ZNF548: variants seen among roughly 807,000 people sequenced by gnomAD.
ZNF548 encodes zinc finger protein 548.
A neutral mutation model predicts 10.2 loss-of-function variants in ZNF548; 10 were observed. The ratio of observed to expected loss-of-function variants is 0.98; its 90% CI spans 0.60 to 1.66. The LOEUF (loss-of-function observed/expected upper bound fraction) is 1.66, where lower values mean the gene tolerates loss of function less well. ZNF548 is among the 40% of genes most tolerant of loss of function. The pLI is 0.00. For synonymous variants in ZNF548, 217 were observed against 223.5 expected (o/e 0.97, Z 0.26); for missense variants, 599 against 657.0 (o/e 0.91, Z 0.97).
chr19:57,392,172 T>C (rs2088631861), intron 1 of ZNF548, among the ~76,000 whole-genome samples: 1 of 152,192 alleles, frequency 6.6e-6, no homozygotes, highest in Non-Finnish European at 1.5e-5. Context: ...TTGAGTTCTT[T>C]GTAAATTCTG....
At position 57,399,869 on chromosome 19, in the gene ZNF548, A is replaced by G. The variant is rs756502377; in HGVS notation, c.1618A>G (p.Met540Val). 3.7e-6 allele frequency: 6 copies of G among 1,600,024 alleles called. No individual in the cohort carries two copies. The highest frequency in any genetic ancestry group is 3.4e-5 in the Admixed American group (2 of 58,452). The change falls in exon 4 of 4, where the codon ATG becomes GTG. Residue 540 changes from methionine to valine, a missense_variant. Met to Val is a conservative substitution (Grantham distance 21). Transcript: ENST00000336128. This position sits in a 1 kb window ranked among gnomAD's most constrained non-coding sequence, Gnocchi z 4.0. ...PTSLNIRDFT[M>V]EKVYH ...CTCATTAAACATCAGAGATTTCACA[A>G]TGGAGAAAGTTTACCATTGACTATT...
chr19:57,400,056 G>A lies in ZNF548; in HGVS notation c.*167G>A, dbSNP rs2088702833. On this transcript the variant is annotated 3_prime_UTR_variant, in exon 4 of 4. Coordinates refer to ENST00000336128, the MANE Select transcript of ZNF548 (RefSeq NM_001172773.2). Reference sequence around the variant, plus strand: ...TCTCAACTATATTTCTATACTCTATGGTACTTATATGAGGTACCAATAGAT... The same window carrying A: ...TCTCAACTATATTTCTATACTCTATAGTACTTATATGAGGTACCAATAGAT... 5.1e-6 allele frequency: 3 copies of A among 590,064 alleles called. No homozygotes were observed. Among genetic ancestry groups the A allele is most frequent in the African/African-American group, 1.9e-5 (1 of 53,994 alleles). The allele number at this position is 590,064 out of a possible 1,614,324, so 36.6% of individuals were successfully genotyped here.
In ZNF548 at chr19:57,402,679, T is replaced by C. The variant is rs535165826; in HGVS notation, c.*2790T>C. ...CCAGCATGTTCACCCTAGAGAAAAG[T>C]AGAAGTGAAGGCAATGTCATCTTTC... On this transcript the variant is annotated 3_prime_UTR_variant, in exon 4 of 4. Transcript: ENST00000336128. 1.3e-5 allele frequency: 2 copies of C among 152,324 alleles called. No individual in the cohort carries two copies. The highest frequency in any genetic ancestry group is 4.1e-4 in the South Asian group (2 of 4,828). The allele number at this position is 152,324 out of a possible 1,614,324, so 9.4% of individuals were successfully genotyped here.
chr19:57,396,825 T>C, intron 2 of ZNF548: 1 of 531,636 alleles, frequency 1.9e-6, no homozygotes, highest in African/African-American at 1.9e-5. Context: ...ATTGGGACTG[T>C]CCCTAGTTTT....
At position 57,399,677 on chromosome 19, in the gene ZNF548, CTTG is replaced by C. The variant is rs1489578238; in HGVS notation, c.1430_1432del (p.Val477del). 6.2e-7 allele frequency: 1 copy of C among 1,613,860 alleles called. No homozygotes were observed. The highest frequency in any genetic ancestry group is 1.3e-5 in the African/African-American group (1 of 74,890). On this transcript the variant is annotated inframe_deletion, in exon 4 of 4. Coordinates refer to ENST00000336128, the MANE Select transcript of ZNF548 (RefSeq NM_001172773.2). This position sits in a 1 kb window ranked among gnomAD's most constrained non-coding sequence, Gnocchi z 4.0. ...GAAAGCCTTTAGCCACAAGCATATACTTGTTGAGCACCAGAAAATCCACAGTGG... is the reference window on the plus strand; with the variant it reads ...GAAAGCCTTTAGCCACAAGCATATACTTGAGCACCAGAAAATCCACAGTGG...
chr19:57,396,603 G>A (rs148974068), intron 2 of ZNF548, among the ~76,000 whole-genome samples: 1 of 152,342 alleles, frequency 6.6e-6, no homozygotes, highest in Admixed American at 6.5e-5. Flanking sequence ...ACTGAAAGAA[G>A]ATATTTATTC....
Position 57,398,657 on chromosome 19 carries a change from C to A in ZNF548, c.406C>A (p.Gln136Lys). ...CEAELFQHPK[Q>K]QIGENLSRGD... is the part of the protein sequence containing the mutation. Reference sequence around the variant, plus strand: ...GGCAGAGCTTTTTCAGCACCCAAAGCAGCAAATTGGAGAAAATCTTTCCAG... The same window carrying A: ...GGCAGAGCTTTTTCAGCACCCAAAGAAGCAAATTGGAGAAAATCTTTCCAG... Residue 136 changes from glutamine (Q) to lysine (K), a missense_variant, in exon 4 of 4, where the codon CAG (glutamine) becomes AAG (lysine). Physicochemically the swap from Gln to Lys is moderately conservative, Grantham distance 53. Coordinates refer to ENST00000336128, the MANE Select transcript of ZNF548 (RefSeq NM_001172773.2). 2 of 1,614,032 alleles carry A rather than the reference C, an allele frequency of 1.2e-6. No individual in the cohort carries two copies. The highest frequency in any genetic ancestry group is 1.1e-5 in the South Asian group (1 of 91,080).
In ZNF548 at chr19:57,390,009, A is replaced by G. The variant is rs1025189690; in HGVS notation, c.-91A>G. 2.4e-4 allele frequency: 348 copies of G among 1,469,062 alleles called. 1 individual carries two copies. Among genetic ancestry groups the G allele is most frequent in the Non-Finnish European group, 2.8e-4 (304 of 1,096,132 alleles). 91.0% of individuals were successfully genotyped at this position (1,469,062 alleles called of 1,614,324 possible). ...ACCACGGAGAGGCGGGAGTGAGTCA[A>G]CTGACAAGCGCTGGGGACAGTGGCG... On this transcript the variant is annotated 5_prime_UTR_variant, in exon 1 of 4. Coordinates refer to ENST00000336128, the MANE Select transcript of ZNF548 (RefSeq NM_001172773.2).
rs1041580413 is a variant in ZNF548, at chr19:57,401,078, G to A, written c.*1189G>A. On this transcript the variant is annotated 3_prime_UTR_variant, in exon 4 of 4. Coordinates refer to ENST00000336128, the MANE Select transcript of ZNF548 (RefSeq NM_001172773.2). ...ACTATTTGCTTTTTGTTGTTGAGTT[G>A]TAGTTCTTTATACATTCTGGATATT... 5.9e-5 allele frequency: 9 copies of A among 151,890 alleles called. No individual in the cohort carries two copies. Among genetic ancestry groups the A allele is most frequent in the Admixed American group, 4.6e-4 (7 of 15,242 alleles). 9.4% of individuals were successfully genotyped at this position (151,890 alleles called of 1,614,324 possible).
At chr19:57,394,125 C>A in intron 1 of ZNF548, 63 bp from the exon 2 acceptor site, 1 of 1,548,676 alleles carries the variant, frequency 6.5e-7, no homozygotes. Context: ...AGGTGGTGGT[C>A]CATCTCAGCC....
rs972682081 is a variant in ZNF548, at chr19:57,399,787, T to C, written c.1536T>C (p.Ser512=). ...TGGTTCATCACCAGAAAATCCACAG[T>C]GAAGAGAGGCTTGTGTGCTCCATGA... ...SHLVHHQKIH[S]EERLVCSMNV... The change falls in exon 4 of 4, where the codon AGT becomes AGC. Residue 512 remains serine, a synonymous_variant. Transcript: ENST00000336128. This position sits in a 1 kb window ranked among gnomAD's most constrained non-coding sequence, Gnocchi z 4.0. 2 of 1,613,930 alleles carry C rather than the reference T, an allele frequency of 1.2e-6. No homozygotes were observed. The highest frequency in any genetic ancestry group is 1.7e-5 in the Admixed American group (1 of 59,998).
rs1344661760 is a variant in ZNF548, at chr19:57,389,864, C to T, written c.-236C>T. Reference sequence around the variant, plus strand: ...GCACCGTCGGAGGGCGGGACTTCCGCCGTCCTCCTGGTGGTGGTCGTTTTG... The same window carrying T: ...GCACCGTCGGAGGGCGGGACTTCCGTCGTCCTCCTGGTGGTGGTCGTTTTG... On this transcript the variant is annotated 5_prime_UTR_variant, in exon 1 of 4. Transcript: ENST00000336128. 24 of 489,590 alleles carry T rather than the reference C, an allele frequency of 4.9e-5. No homozygotes were observed. In the East Asian group the frequency reaches 7.6e-4, roughly 16 times the overall value. 30.3% of individuals were successfully genotyped at this position (489,590 alleles called of 1,614,324 possible). A position where few individuals can be genotyped will look rare whatever the true frequency, so the allele number is the denominator to read the frequency against.
At chr19:57,394,143 T>A in intron 1 of ZNF548, 45 bp from the exon 2 acceptor site, 1 of 1,588,076 alleles carries the variant, frequency 6.3e-7, no homozygotes, top group Non-Finnish European at 8.5e-7. Context: ...GCCTGAAGGA[T>A]CCTTCCATGG....
At position 57,398,976 on chromosome 19, in the gene ZNF548, G is replaced by A. The variant is rs2088689596; in HGVS notation, c.725G>A (p.Cys242Tyr). 2 of 1,613,948 alleles carry A rather than the reference G, an allele frequency of 1.2e-6. No individual in the cohort carries two copies. The highest frequency in any genetic ancestry group is 8.5e-7 in the Non-Finnish European group (1 of 1,179,938). Residue 242 changes from cysteine to tyrosine, a missense_variant, in exon 4 of 4, where the codon TGT (cysteine) becomes TAT (tyrosine). Coordinates refer to ENST00000336128, the MANE Select transcript of ZNF548 (RefSeq NM_001172773.2). ...GAAAGGTCTTATGAATGTAACAAAT[G>A]TGGGAAATTCTTTAAGTACAGTGCC... ...TGERSYECNK[C>Y]GKFFKYSANF...
intron 2 of ZNF548, 27 bp downstream of exon 2, chr19:57,394,250 C>G: frequency 6.3e-7 from 1 of 1,597,368 alleles, no homozygotes; most frequent in Non-Finnish European, 8.5e-7. Flanking sequence ...CTACTATTCA[C>G]CCACCCTGGT....
At position 57,398,760 on chromosome 19, in the gene ZNF548, G is replaced by A. The variant is rs1242128927; in HGVS notation, c.509G>A (p.Gly170Asp). 1 of 1,614,016 alleles carries A rather than the reference G, an allele frequency of 6.2e-7. No individual in the cohort carries two copies. Among genetic ancestry groups the A allele is most frequent in the Non-Finnish European group, 8.5e-7 (1 of 1,179,908 alleles). Reference sequence around the variant, plus strand: ...GAGGAGATCTTCACATGCATGGAGGGCTGGAAGGACTTACCAGCCACCTCA... The same window carrying A: ...GAGGAGATCTTCACATGCATGGAGGACTGGAAGGACTTACCAGCCACCTCA... ...MAEEIFTCME[G>D]WKDLPATSCL... The change falls in exon 4 of 4, where the codon GGC (glycine) becomes GAC (aspartate). Residue 170 changes from glycine to aspartate, a missense_variant. Transcript: ENST00000336128.
chr19:57,397,254 A>G (rs1349660592), intron 3 of ZNF548, 80 bp downstream of exon 3: 1 of 1,470,886 alleles, frequency 6.8e-7, no homozygotes, highest in African/African-American at 1.4e-5. Context: ...TGCGTTTCCC[A>G]CAGTGAGACC....
chr19:57,389,899 G>T lies in ZNF548; in HGVS notation c.-201G>T. The stretch of plus-strand genomic sequence containing the variant: ...GGTGGTGGTCGTTTTGGTTCTGTGT[G>T]GTGTTTCACCAACTTCGGCCTATGG... On this transcript the variant is annotated 5_prime_UTR_variant, in exon 1 of 4. Coordinates refer to ENST00000336128, the MANE Select transcript of ZNF548 (RefSeq NM_001172773.2). The T allele has an allele frequency of 1.8e-6, 1 of 567,704 alleles. No individual in the cohort carries two copies. Among genetic ancestry groups the T allele is most frequent in the African/African-American group, 1.9e-5 (1 of 53,252 alleles). 35.2% of individuals were successfully genotyped at this position (567,704 alleles called of 1,614,324 possible).
Position 57,399,878 on chromosome 19 carries a change from G to A in ZNF548, c.1627G>A (p.Val543Ile). ...LNIRDFTMEKVYH is the reference protein window; with the variant it reads ...LNIRDFTMEKIYH The stretch of plus-strand genomic sequence containing the variant: ...CATCAGAGATTTCACAATGGAGAAA[G>A]TTTACCATTGACTATTGTAATTGGG... The change falls in exon 4 of 4, where the codon GTT (valine) becomes ATT (isoleucine). Residue 543 changes from valine to isoleucine, a missense_variant. By Grantham distance (29) the Val-to-Ile change is conservative. Transcript: ENST00000336128. The surrounding 1 kb of genome is among the most constrained non-coding windows in gnomAD (Gnocchi z 4.0). 2 of 1,592,004 alleles carry A rather than the reference G, an allele frequency of 1.3e-6. No individual in the cohort carries two copies. The highest frequency in any genetic ancestry group is 1.1e-5 in the South Asian group (1 of 89,434).
Sources: allele counts gnomAD v4.1 joint callset (sites outside exome capture counted in the v4.1 genomes callset), GRCh38; gene constraint gnomAD v4.1.1; non-coding constraint Gnocchi (gnomAD v3.1); transcripts MANE v1.5; gene names NCBI Gene and HGNC (gene_info 2026-07-23, HGNC 2026-07-21).